The following NEK10 variants were observed in gnomAD, a reference collection of about 807,000 sequenced individuals.
The protein encoded by NEK10 is serine/threonine-protein kinase Nek10.
In NEK10, 122 loss-of-function variants were observed where a neutral mutation model predicts 159.8. That is an observed-to-expected ratio of 0.76 (90% CI 0.66 to 0.89). The LOEUF (loss-of-function observed/expected upper bound fraction) is 0.89, where lower values mean the gene tolerates loss of function less well. Among genes scored for constraint, NEK10 ranks in the 40% least tolerant of loss-of-function variants. The probability of loss-of-function intolerance (pLI) is 0.00; values close to 1 mark genes in which losing one functional copy is unlikely to be tolerated. For missense variants in NEK10, 1,342 were observed against 1,323.1 expected (o/e 1.01, Z -0.22); for synonymous variants, 466 against 457.1 (o/e 1.02, Z -0.25).
At chr3:27,116,399 GGTGT>G (rs200663861) in intron 33 of NEK10, among the ~76,000 whole-genome samples, 1 of 151,934 alleles carries the variant, frequency 6.6e-6, no homozygotes, top group Non-Finnish European at 1.5e-5. Flanking sequence ...TAAAGTTAGA[GGTGT>G]GTGTGTGTAT....
chr3:27,226,329 G>C (rs981936535), intron 23 of NEK10, among the ~76,000 whole-genome samples: 4 of 151,746 alleles, frequency 2.6e-5, no homozygotes, highest in Admixed American at 6.6e-5. Flanking sequence ...ACAGGCGTGA[G>C]CCACCGTGCC....
At chr3:27,238,298 G>A (rs976720787) in intron 23 of NEK10, among the ~76,000 whole-genome samples, 1 of 152,186 alleles carries the variant, frequency 6.6e-6, no homozygotes, top group Non-Finnish European at 1.5e-5. Flanking sequence ...ATTTGTGTAT[G>A]TGTGTTTGTG....
intron 29 of NEK10, among the ~76,000 whole-genome samples, chr3:27,165,155 A>G (rs1946366682): frequency 1.3e-5 from 2 of 152,230 alleles, no homozygotes; most frequent in African/African-American, 2.4e-5. Flanking sequence ...GATGGTGAAA[A>G]TAAATAGTTT....
intron 29 of NEK10, among the ~76,000 whole-genome samples, chr3:27,164,057 C>G (rs1273945299): frequency 6.6e-6 from 1 of 152,192 alleles, no homozygotes; most frequent in African/African-American, 2.4e-5. Context: ...GGCTAACACT[C>G]TCTTGATCTC....
intron 22 of NEK10, among the ~76,000 whole-genome samples, chr3:27,268,074 C>A (rs2041050120): frequency 6.6e-6 from 1 of 152,238 alleles, no homozygotes; most frequent in South Asian, 2.1e-4. Flanking sequence ...AATGCCCAAT[C>A]TGGAGCAAGG....
chr3:27,198,830 G>T (rs974556519), intron 25 of NEK10, among the ~76,000 whole-genome samples: 1 of 152,080 alleles, frequency 6.6e-6, no homozygotes, highest in Non-Finnish European at 1.5e-5. Context: ...CCAGCACTTT[G>T]GGAGGCCGAG....
At chr3:27,283,654 CTTAATT>C (rs907638460) in intron 22 of NEK10, among the ~76,000 whole-genome samples, 4 of 152,116 alleles carry the variant, frequency 2.6e-5, no homozygotes, top group African/African-American at 7.2e-5. Context: ...AAGCTAAAAA[CTTAATT>C]TTAAGTTATG....
At chr3:27,351,865 C>T (rs2047993928) in intron 3 of NEK10, among the ~76,000 whole-genome samples, 1 of 151,916 alleles carries the variant, frequency 6.6e-6, no homozygotes, top group Non-Finnish European at 1.5e-5. Flanking sequence ...CCTGGATGGC[C>T]TCTAATGTCA....
At chr3:27,235,427 A>G (rs2149231611) in intron 23 of NEK10, among the ~76,000 whole-genome samples, 1 of 152,246 alleles carries the variant, frequency 6.6e-6, no homozygotes, top group East Asian at 1.9e-4. Flanking sequence ...AAAACAAACA[A>G]ACAACGCCAT....
intron 15 of NEK10, among the ~76,000 whole-genome samples, chr3:27,295,014 C>G (rs1270111999): frequency 6.6e-6 from 1 of 152,090 alleles, no homozygotes; most frequent in African/African-American, 2.4e-5. Context: ...CCAACACCCA[C>G]TCCTCAAAAA....
At chr3:27,195,960 C>T (rs1467020805) in intron 25 of NEK10, among the ~76,000 whole-genome samples, 1 of 152,116 alleles carries the variant, frequency 6.6e-6, no homozygotes, top group East Asian at 1.9e-4. Flanking sequence ...CTTATTTAAG[C>T]TTTAAAACAA....
Position 27,235,528 on chromosome 3 carries a change from T to C in NEK10, c.2090+20768A>G, listed in dbSNP as rs149465469. On this transcript the variant is annotated intron_variant, in intron 23 of 35. Coordinates refer to ENST00000691995, the MANE Select transcript of NEK10 (RefSeq NM_001394966.1). Reference sequence around the variant, plus strand: ...ATATGAAAAGCTCAACATTACTGATTATTAGAGAAATGCAAATCAAAACCC... The same window carrying C: ...ATATGAAAAGCTCAACATTACTGATCATTAGAGAAATGCAAATCAAAACCC... Among the ~76,000 whole-genome samples, 1,251 of 152,142 alleles carry C rather than the reference T, an allele frequency of 8.2e-3. 16 individuals carry two copies. Among genetic ancestry groups the C allele is most frequent in the African/African-American group, 0.028 (1,146 of 41,532 alleles).
At chr3:27,206,544 C>G in intron 23 of NEK10, 5 of 964,758 alleles carry the variant, frequency 5.2e-6, no homozygotes, top group Non-Finnish European at 6.2e-6. Context: ...CTCCTTCATT[C>G]ACTCATTCAT....
chr3:27,126,676 T>C (rs886498335), intron 32 of NEK10, among the ~76,000 whole-genome samples: 2 of 151,938 alleles, frequency 1.3e-5, no homozygotes, highest in African/African-American at 4.8e-5. Flanking sequence ...AGATGATTGA[T>C]ATAAACAATA....
At chr3:27,112,473 A>G (rs1264338301) in intron 35 of NEK10, among the ~76,000 whole-genome samples, 1 of 152,194 alleles carries the variant, frequency 6.6e-6, no homozygotes, top group East Asian at 1.9e-4. Flanking sequence ...CAAATTTTGC[A>G]ATGACGATGA....
chr3:27,191,982 C>G (rs753573498), intron 26 of NEK10, 47 bp downstream of exon 26: 31 of 1,528,294 alleles, frequency 2.0e-5, no homozygotes, highest in Non-Finnish European at 2.8e-5. Flanking sequence ...CAACTTCAGA[C>G]AGCCCATTAG....
intron 4 of NEK10, among the ~76,000 whole-genome samples, chr3:27,345,756 C>T (rs2047507824): frequency 6.6e-6 from 1 of 152,184 alleles, no homozygotes; most frequent in Non-Finnish European, 1.5e-5. Flanking sequence ...TTTATGCCAT[C>T]TCATTACTGG....
intron 30 of NEK10, among the ~76,000 whole-genome samples, chr3:27,147,204 A>G (rs1167836152): frequency 1.3e-5 from 2 of 152,184 alleles, no homozygotes; most frequent in Non-Finnish European, 2.9e-5. Context: ...GAATCAATCT[A>G]CAGTGCACTG....
At chr3:27,215,135 G>A (rs994291046) in intron 23 of NEK10, 10 of 371,282 alleles carry the variant, frequency 2.7e-5, no homozygotes, top group Non-Finnish European at 5.0e-5. Context: ...CCATAGTTTC[G>A]GCTCTTAACA....
Sources: allele counts gnomAD v4.1 joint callset (sites outside exome capture counted in the v4.1 genomes callset), GRCh38; gene constraint gnomAD v4.1.1; transcripts MANE v1.5; gene names NCBI Gene and HGNC (gene_info 2026-07-23, HGNC 2026-07-21).